The following SLC2A9 variants were observed in gnomAD, a reference collection of about 807,000 sequenced individuals.
SLC2A9 encodes the protein solute carrier family 2, facilitated glucose transporter member 9.
A neutral mutation model predicts 50.6 loss-of-function variants in SLC2A9; 39 were observed. That is an observed-to-expected ratio of 0.77 (90% CI 0.60 to 1.01). The LOEUF is 1.01. Among genes scored for constraint, SLC2A9 ranks in the 50% least tolerant of loss-of-function variants. SLC2A9 has a pLI of 0.00. For missense variants in SLC2A9, 686 were observed against 677.6 expected (o/e 1.01, Z -0.14); for synonymous variants, 324 against 276.9 (o/e 1.17, Z -1.69).
intron 8 of SLC2A9, among the ~76,000 whole-genome samples, chr4:9,892,094 G>T (rs1416829243): frequency 6.6e-6 from 1 of 152,380 alleles, no homozygotes; most frequent in Non-Finnish European, 1.5e-5. Flanking sequence ...CAGGTGAGAA[G>T]CCGTCTAGGC....
At chr4:9,825,653 A>G (rs1225578526), downstream of SLC2A9, among the ~76,000 whole-genome samples, 2 of 152,232 alleles carry the variant, frequency 1.3e-5, no homozygotes, top group East Asian at 3.9e-4. Flanking sequence ...TAAGTCTTCT[A>G]CACATTGCTC....
At chr4:9,928,011 T>C (rs186401352) in intron 6 of SLC2A9, among the ~76,000 whole-genome samples, 2 of 152,314 alleles carry the variant, frequency 1.3e-5, no homozygotes, top group African/African-American at 4.8e-5. Flanking sequence ...TACATGCCTG[T>C]ATGTAGTTCC....
rs1734022591 is a variant in SLC2A9, at chr4:9,874,811, G to A, written c.1291+12756C>T. On this transcript the variant is annotated intron_variant, in intron 10 of 11. Coordinates refer to ENST00000264784, the MANE Select transcript of SLC2A9 (RefSeq NM_020041.3). ...CCATAAGTTAGTGTCTGTCTAATGT[G>A]GGACGCTGTGTCTTTAGAAATGGCC... Among the ~76,000 whole-genome samples the A allele has an allele frequency of 2.6e-5, 4 of 152,150 alleles. No individual in the cohort carries two copies. The South Asian group carries it at 8.3e-4, about 32-fold the overall frequency.
chr4:10,018,449 G>A (rs576330735), intron 2 of SLC2A9, among the ~76,000 whole-genome samples: 2 of 152,246 alleles, frequency 1.3e-5, no homozygotes, highest in South Asian at 4.1e-4. Flanking sequence ...GGCTGAGGCA[G>A]AAGAATCACT....
At chr4:9,884,662 T>C (rs1735845949) in intron 10 of SLC2A9, among the ~76,000 whole-genome samples, 1 of 152,114 alleles carries the variant, frequency 6.6e-6, no homozygotes, top group African/African-American at 2.4e-5. Flanking sequence ...AGCAATCCCA[T>C]TACTTAGTAT....
At chr4:10,015,802 C>A (rs932792795) in intron 2 of SLC2A9, among the ~76,000 whole-genome samples, 1 of 152,228 alleles carries the variant, frequency 6.6e-6, no homozygotes, top group Non-Finnish European at 1.5e-5. Context: ...TTGCTGAAGA[C>A]CCCAGGCTGT....
chr4:9,783,297 G>T (rs758996874), intron 3 of SLC2A9: 1 of 1,614,224 alleles, frequency 6.2e-7, no homozygotes. Flanking sequence ...CCCGGCAACC[G>T]GGAGGTGGAC....
In SLC2A9 at chr4:9,772,485, G is replaced by A. The variant is rs975494749; in HGVS notation, n.182-1116C>T. The stretch of plus-strand genomic sequence containing the variant: ...TAGTGCACACCTGGTCTGACCGGAG[G>A]CTCTAACAGAATGTGGTGTTGGGTG... On this transcript the variant is annotated intron_variant and non_coding_transcript_variant, in intron 1 of 1. Coordinates refer to the SLC2A9 transcript ENST00000508585. Among the ~76,000 whole-genome samples, 9 of 152,180 alleles carry A rather than the reference G, an allele frequency of 5.9e-5. No individual in the cohort carries two copies. The South Asian group carries it at 6.2e-4, about 10-fold the overall frequency.
At chr4:9,784,826 G>A (rs1389604998) in intron 3 of SLC2A9, among the ~76,000 whole-genome samples, 3 of 152,196 alleles carry the variant, frequency 2.0e-5, no homozygotes, top group East Asian at 1.9e-4. Context: ...CTTTGAAGCC[G>A]TTTTATCAAG....
At chr4:9,816,473 G>A (rs1398743990) in intron 3 of SLC2A9, among the ~76,000 whole-genome samples, 1 of 152,154 alleles carries the variant, frequency 6.6e-6, no homozygotes, top group Non-Finnish European at 1.5e-5. Context: ...ACAGCATGGT[G>A]ACTACAGTTT....
At chr4:9,948,841 G>A (rs763202357) in intron 5 of SLC2A9, among the ~76,000 whole-genome samples, 1 of 152,082 alleles carries the variant, frequency 6.6e-6, no homozygotes, top group Non-Finnish European at 1.5e-5. Flanking sequence ...TCCATCTCAG[G>A]GTCTCTTTTC....
intron 10 of SLC2A9, among the ~76,000 whole-genome samples, chr4:9,873,094 C>T (rs1000001088): frequency 1.3e-5 from 2 of 152,354 alleles, no homozygotes; most frequent in Admixed American, 1.3e-4. Flanking sequence ...CCTTATTGAA[C>T]ATTCCTCAGA....
chr4:9,853,998 G>A (rs188369302), intron 10 of SLC2A9, among the ~76,000 whole-genome samples: 2 of 151,698 alleles, frequency 1.3e-5, no homozygotes, highest in Admixed American at 1.3e-4. Flanking sequence ...CTAAAACAGT[G>A]TTAAAAAAAA....
intron 10 of SLC2A9, among the ~76,000 whole-genome samples, chr4:9,859,306 G>A (rs557066340): frequency 9.2e-5 from 14 of 152,278 alleles, no homozygotes; most frequent in South Asian, 6.2e-4. Context: ...GGTCCTCTCC[G>A]TCAAGGTGAA....
intron 10 of SLC2A9, chr4:9,879,776 T>C: frequency 1.0e-6 from 1 of 985,470 alleles, no homozygotes; most frequent in Non-Finnish European, 1.2e-6. Context: ...AAAACTGGAA[T>C]TGACACATTT....
intron 10 of SLC2A9, among the ~76,000 whole-genome samples, chr4:9,841,507 G>C (rs1728079358): frequency 6.6e-6 from 1 of 152,158 alleles, no homozygotes; most frequent in Non-Finnish European, 1.5e-5. Context: ...TGATATGATG[G>C]AAGACCGATC....
chr4:9,865,233 T>C (rs1375723267), intron 10 of SLC2A9, among the ~76,000 whole-genome samples: 1 of 152,252 alleles, frequency 6.6e-6, no homozygotes, highest in Admixed American at 6.5e-5. Context: ...ACCTATCAGC[T>C]AATGTGCAGA....
chr4:9,878,364 C>A (rs1734627378), intron 10 of SLC2A9, among the ~76,000 whole-genome samples: 1 of 152,050 alleles, frequency 6.6e-6, no homozygotes, highest in African/African-American at 2.4e-5. Context: ...CATCTTCCAG[C>A]CTCTAAGGAA....
At chr4:9,800,928 A>C (rs149591510) in intron 3 of SLC2A9, among the ~76,000 whole-genome samples, 26 of 152,246 alleles carry the variant, frequency 1.7e-4, no homozygotes, top group African/African-American at 6.3e-4. Flanking sequence ...CAGCCATCCT[A>C]GTACACTCAT....
Sources: allele counts gnomAD v4.1 joint callset (sites outside exome capture counted in the v4.1 genomes callset), GRCh38; gene constraint gnomAD v4.1.1; transcripts MANE v1.5; gene names NCBI Gene and HGNC (gene_info 2026-07-23, HGNC 2026-07-21).